Variants in MEGF10 observed in about 807,000 individuals in gnomAD.
The protein encoded by MEGF10 is multiple EGF like domains 10.
MEGF10 carries 86 observed loss-of-function variants against 147.5 expected under a neutral mutation model. The ratio of observed to expected loss-of-function variants is 0.58; its 90% CI spans 0.49 to 0.70. The LOEUF (loss-of-function observed/expected upper bound fraction) is 0.70, where lower values mean the gene tolerates loss of function less well. Ranked by LOEUF, MEGF10 falls within the 30% of genes least tolerant of loss-of-function variation. The pLI, the probability that MEGF10 is intolerant of heterozygous loss-of-function variation, is 0.00. For synonymous variants in MEGF10, 478 were observed against 525.5 expected (o/e 0.91, Z 1.24); for missense variants, 1,329 against 1,487.3 (o/e 0.89, Z 1.75).
chr5:127,384,039 A>T (rs1763344733), intron 5 of MEGF10, among the ~76,000 whole-genome samples: 1 of 152,222 alleles, frequency 6.6e-6, no homozygotes, highest in Non-Finnish European at 1.5e-5. Flanking sequence ...TTTAATATTC[A>T]TCTCAATTCC....
chr5:127,299,016 C>G (rs1166049924), intron 1 of MEGF10, among the ~76,000 whole-genome samples: 1 of 152,182 alleles, frequency 6.6e-6, no homozygotes, highest in Non-Finnish European at 1.5e-5. Flanking sequence ...CATCATTAAT[C>G]CTCTGGTTTT....
intron 2 of MEGF10, among the ~76,000 whole-genome samples, chr5:127,338,080 T>C (rs1761536020): frequency 6.6e-6 from 1 of 152,106 alleles, no homozygotes; most frequent in Non-Finnish European, 1.5e-5. Flanking sequence ...TAGCACCACA[T>C]AGCTTTTCAA....
At chr5:127,309,276 T>C (rs1760154860) in intron 1 of MEGF10, among the ~76,000 whole-genome samples, 2 of 152,040 alleles carry the variant, frequency 1.3e-5, no homozygotes, top group African/African-American at 4.8e-5. Flanking sequence ...TTGTAAAATA[T>C]TGCGGTAAAA....
At chr5:127,366,669 T>C (rs902514535) in intron 4 of MEGF10, among the ~76,000 whole-genome samples, 1 of 152,240 alleles carries the variant, frequency 6.6e-6, no homozygotes, top group African/African-American at 2.4e-5. Flanking sequence ...TTTTCATAAA[T>C]GTAATCCATA....
chr5:127,296,090 C>A (rs1367890774), intron 1 of MEGF10, among the ~76,000 whole-genome samples: 3 of 152,116 alleles, frequency 2.0e-5, no homozygotes, highest in African/African-American at 4.8e-5. Flanking sequence ...CATTCTAACT[C>A]TTTTTAAATA....
At chr5:127,232,436 T>C in the MEGF10 span, among the ~76,000 whole-genome samples, 1 of 152,200 alleles carries the variant, frequency 6.6e-6, no homozygotes, top group Non-Finnish European at 1.5e-5. Flanking sequence ...TCCCTGAGCA[T>C]GATACATAGA....
intron 1 of MEGF10, among the ~76,000 whole-genome samples, chr5:127,309,800 A>G (rs1367883502): frequency 6.6e-6 from 1 of 151,758 alleles, no homozygotes; most frequent in Non-Finnish European, 1.5e-5. Flanking sequence ...TTTTTTGGGT[A>G]TATATACCCA....
At chr5:127,451,929 G>C (rs1398932700) in intron 22 of MEGF10, among the ~76,000 whole-genome samples, 1 of 152,160 alleles carries the variant, frequency 6.6e-6, no homozygotes, top group Non-Finnish European at 1.5e-5. Flanking sequence ...AAAGAGCCTT[G>C]AACTAGACAC....
At chr5:127,307,753 T>G (rs770614227) in intron 1 of MEGF10, among the ~76,000 whole-genome samples, 1 of 152,252 alleles carries the variant, frequency 6.6e-6, no homozygotes, top group Non-Finnish European at 1.5e-5. Context: ...TGTTGCTATC[T>G]TCTTTTATTT....
At chr5:127,454,723 T>C in intron 23 of MEGF10, 113 bp downstream of exon 23, 4 of 936,486 alleles carry the variant, frequency 4.3e-6, no homozygotes, top group Non-Finnish European at 6.3e-6. Flanking sequence ...GTAGAATTTT[T>C]AGTGTGGTCA....
chr5:127,349,621 T>A (rs1762016418), intron 4 of MEGF10, among the ~76,000 whole-genome samples: 1 of 152,158 alleles, frequency 6.6e-6, no homozygotes, highest in Non-Finnish European at 1.5e-5. Flanking sequence ...CTTATTTCAC[T>A]TACCGTAACC....
Position 127,385,917 on chromosome 5 carries a change from C to T in MEGF10, c.413-10615C>T, listed in dbSNP as rs527579306. On this transcript the variant is annotated intron_variant, in intron 5 of 24. Coordinates refer to ENST00000503335, the MANE Select transcript of MEGF10 (RefSeq NM_001256545.2). The stretch of plus-strand genomic sequence containing the variant: ...GCCAGGAGTTCAAGACCAGCCTGGG[C>T]ATCGTAGTGAGACCTTGTCTCTACA... Among the ~76,000 whole-genome samples the T allele has an allele frequency of 7.9e-5, 12 of 152,266 alleles. No homozygotes were observed. In the South Asian group the frequency reaches 2.3e-3, roughly 29 times the overall value.
chr5:127,403,689 G>A (rs62373911), intron 8 of MEGF10, among the ~76,000 whole-genome samples: 3,572 of 152,160 alleles, frequency 0.023, 70 homozygotes, highest in Non-Finnish European at 0.039. Context: ...GTGAGAACAT[G>A]TGATGTTTGT....
At chr5:127,413,337 G>C (rs1301515735) in intron 9 of MEGF10, among the ~76,000 whole-genome samples, 1 of 152,106 alleles carries the variant, frequency 6.6e-6, no homozygotes, top group South Asian at 2.1e-4. Flanking sequence ...AATATAGAGA[G>C]ATAGATTAAC....
At chr5:127,248,094 G>A in the MEGF10 span, among the ~76,000 whole-genome samples, 46 of 152,156 alleles carry the variant, frequency 3.0e-4, no homozygotes, top group Admixed American at 1.5e-3. Flanking sequence ...CACCATATGC[G>A]TCAGTCATTT....
intron 1 of MEGF10, among the ~76,000 whole-genome samples, chr5:127,294,887 T>G (rs550544968): frequency 9.2e-5 from 14 of 151,718 alleles, no homozygotes; most frequent in Middle Eastern, 3.4e-3. Context: ...AGAGGACTTA[T>G]GAAACACCAA....
intron 4 of MEGF10, among the ~76,000 whole-genome samples, chr5:127,364,859 C>T (rs969471637): frequency 3.3e-5 from 5 of 152,302 alleles, no homozygotes; most frequent in African/African-American, 9.6e-5. Context: ...CCCTCTCACT[C>T]CCATTAAAAT....
chr5:127,420,542 C>T (rs775288762), intron 12 of MEGF10, among the ~76,000 whole-genome samples: 4 of 152,028 alleles, frequency 2.6e-5, no homozygotes, highest in Non-Finnish European at 4.4e-5. Context: ...TATTTTGTTT[C>T]CACTATCATG....
At chr5:127,337,177 C>A (rs1015783468) in intron 2 of MEGF10, among the ~76,000 whole-genome samples, 1 of 152,034 alleles carries the variant, frequency 6.6e-6, no homozygotes, top group Admixed American at 6.6e-5. Context: ...TAGTAAGGTT[C>A]GACATTTTCC....
Sources: gnomAD v4.1 joint callset for allele counts (sites outside exome capture counted in the v4.1 genomes callset) on GRCh38, gnomAD v4.1.1 for gene constraint, MANE v1.5 for transcripts, NCBI Gene and HGNC (gene_info 2026-07-23, HGNC 2026-07-21) for gene names.